DPH6: variants seen among roughly 807,000 people sequenced by gnomAD.
The protein encoded by DPH6 is diphthamine biosynthesis 6, also known as diphthine--ammonia ligase.
DPH6 carries 33 observed loss-of-function variants against 38.2 expected under a neutral mutation model. The observed-to-expected ratio is 0.86, with a 90% CI of 0.65 to 1.15. The LOEUF (loss-of-function observed/expected upper bound fraction) is 1.15. DPH6 is among the 50% of genes most tolerant of loss of function. DPH6 has a pLI of 0.00. For synonymous variants in DPH6, 108 were observed against 103.0 expected (o/e 1.05, Z -0.30); for missense variants, 325 against 320.0 (o/e 1.02, Z -0.12).
intron 3 of DPH6, among the ~76,000 whole-genome samples, chr15:35,291,722 G>T (rs918137110): frequency 6.6e-6 from 1 of 152,158 alleles, no homozygotes; most frequent in African/African-American, 2.4e-5. Context: ...GGCTTAAGGT[G>T]ATAGCTCAGC....
At chr15:35,179,496 C>A in the DPH6 span, among the ~76,000 whole-genome samples, 2 of 152,022 alleles carry the variant, frequency 1.3e-5, no homozygotes, top group Non-Finnish European at 2.9e-5. Context: ...TCTATGTTTT[C>A]ATTTAAAGAA....
At chr15:35,525,414 G>A (rs1473025138) in intron 3 of DPH6, among the ~76,000 whole-genome samples, 2 of 151,936 alleles carry the variant, frequency 1.3e-5, no homozygotes, top group African/African-American at 2.4e-5. Context: ...CAGCATACTC[G>A]TCTGCTCTCA....
chr15:35,495,901 A>G (rs1185468423), intron 3 of DPH6, among the ~76,000 whole-genome samples: 6 of 152,230 alleles, frequency 3.9e-5, no homozygotes, highest in Non-Finnish European at 5.9e-5. Flanking sequence ...AAACAGATCC[A>G]CACATATATA....
At chr15:35,451,351 T>C (rs572188363) in intron 4 of DPH6, among the ~76,000 whole-genome samples, 1 of 152,260 alleles carries the variant, frequency 6.6e-6, no homozygotes, top group South Asian at 2.1e-4. Flanking sequence ...AAATATAGGT[T>C]TTGGAGTGAA....
At chr15:35,316,180 AG>A (rs1395939066) in intron 3 of DPH6, among the ~76,000 whole-genome samples, 1 of 152,228 alleles carries the variant, frequency 6.6e-6, no homozygotes. Context: ...CAAAATAGTT[AG>A]TAGAGAATAA....
Position 35,390,843 on chromosome 15 carries a change from G to A in DPH6, c.568-8927C>T, listed in dbSNP as rs534831970. ...TTCTGAAGCCTTCCTCTCTCAACTCGTCAAAGTGATTCTCCGTCCAGCTTT... is the reference window on the plus strand; with the variant it reads ...TTCTGAAGCCTTCCTCTCTCAACTCATCAAAGTGATTCTCCGTCCAGCTTT... On this transcript the variant is annotated intron_variant, in intron 6 of 8. Transcript: ENST00000256538. Among the ~76,000 whole-genome samples the A allele has an allele frequency of 2.5e-4, 38 of 152,174 alleles. No homozygotes were observed. In the East Asian group the frequency reaches 4.8e-3, roughly 19 times the overall value.
rs781757218 is a variant in DPH6 at position 35,220,106 on chromosome 15, T to C, written n.677A>G. ...CAGAGTATAATAAGGAACATCCACATACACTACCACTATTAACATTTTACT... is the reference window on the plus strand; with the variant it reads ...CAGAGTATAATAAGGAACATCCACACACACTACCACTATTAACATTTTACT... On this transcript the variant is annotated non_coding_transcript_exon_variant, in exon 4 of 4. Coordinates refer to the DPH6 transcript ENST00000560386. 2.6e-4 allele frequency: 40 copies of C among 152,222 alleles called. 1 individual carries two copies. Among genetic ancestry groups the C allele is most frequent in the Non-Finnish European group, 1.2e-4 (8 of 68,028 alleles). The allele number at this position is 152,222 out of a possible 1,614,324, so 9.4% of individuals were successfully genotyped here.
At chr15:35,398,216 A>G (rs1054686938) in intron 6 of DPH6, among the ~76,000 whole-genome samples, 3 of 152,020 alleles carry the variant, frequency 2.0e-5, no homozygotes, top group African/African-American at 7.2e-5. Context: ...AGCTCCTAAG[A>G]CCTTTGTAAT....
At chr15:35,479,577 G>A (rs2054302298) in intron 3 of DPH6, among the ~76,000 whole-genome samples, 1 of 151,996 alleles carries the variant, frequency 6.6e-6, no homozygotes, top group African/African-American at 2.4e-5. Context: ...TCACCAAAGA[G>A]CAACTACAAA....
At chr15:35,442,774 C>T (rs1005664013) in intron 5 of DPH6, among the ~76,000 whole-genome samples, 19 of 152,172 alleles carry the variant, frequency 1.2e-4, no homozygotes, top group Non-Finnish European at 1.8e-4. Flanking sequence ...ACAGTGACCA[C>T]ATATTGTAGG....
At chr15:35,386,996 T>C (rs1475061679) in intron 6 of DPH6, among the ~76,000 whole-genome samples, 1 of 152,358 alleles carries the variant, frequency 6.6e-6, no homozygotes. Context: ...AAGTCTTTAA[T>C]CCATCTTGAA....
intron 3 of DPH6, among the ~76,000 whole-genome samples, chr15:35,274,559 A>C (rs545195917): frequency 3.9e-5 from 6 of 152,188 alleles, no homozygotes; most frequent in East Asian, 3.9e-4. Context: ...GAAAAAAAAA[A>C]CCCAATCAAA....
At chr15:35,391,091 C>G (rs987869913) in intron 6 of DPH6, among the ~76,000 whole-genome samples, 1 of 152,140 alleles carries the variant, frequency 6.6e-6, no homozygotes, top group African/African-American at 2.4e-5. Flanking sequence ...GTCTGTTGGA[C>G]TTTACTGGAG....
chr15:35,250,303 A>G (rs2051665091), intron 3 of DPH6, among the ~76,000 whole-genome samples: 1 of 152,210 alleles, frequency 6.6e-6, no homozygotes, highest in Non-Finnish European at 1.5e-5. Context: ...AGAGAAGGCC[A>G]TGACAATAAG....
intron 3 of DPH6, among the ~76,000 whole-genome samples, chr15:35,295,988 G>A (rs2052012103): frequency 6.6e-6 from 1 of 151,678 alleles, no homozygotes; most frequent in South Asian, 2.1e-4. Context: ...CAGGCAGGCT[G>A]GAGTGCAGTG....
chr15:35,498,875 A>G (rs1185479624), intron 3 of DPH6, among the ~76,000 whole-genome samples: 1 of 146,988 alleles, frequency 6.8e-6, no homozygotes, highest in Non-Finnish European at 1.5e-5. Flanking sequence ...TGGGAGGCTG[A>G]GGTAGGAGAA....
downstream of DPH6, chr15:35,330,720 C>A (rs1248806697): frequency 6.6e-6 from 1 of 152,138 alleles, no homozygotes; most frequent in Admixed American, 6.6e-5. Flanking sequence ...ACTTCAAATC[C>A]TCAGGTTTTA....
rs552223465 is a variant in DPH6 at position 35,430,931 on chromosome 15, T to C, written c.505+19754A>G. On this transcript the variant is annotated intron_variant, in intron 5 of 8. Transcript: ENST00000256538. ...CAAAAGACCCAAGATTTACCCAGTT[T>C]AGACAGTGGCTTTTATGAGCCTGTC... Among the ~76,000 whole-genome samples, 10 of 152,262 alleles carry C rather than the reference T, an allele frequency of 6.6e-5. No homozygotes were observed. The East Asian group carries it at 1.9e-3, about 29-fold the overall frequency.
chr15:35,532,403 T>C (rs2055101844), intron 3 of DPH6, among the ~76,000 whole-genome samples: 1 of 152,082 alleles, frequency 6.6e-6, no homozygotes, highest in South Asian at 2.1e-4. Flanking sequence ...GTGGTGAGAA[T>C]GAAGTCAAGG....
Sources: gnomAD v4.1 joint callset for allele counts (sites outside exome capture counted in the v4.1 genomes callset) on GRCh38, gnomAD v4.1.1 for gene constraint, MANE v1.5 for transcripts, NCBI Gene and HGNC (gene_info 2026-07-23, HGNC 2026-07-21) for gene names.